The following GALNT13 variants were observed in gnomAD, a reference collection of about 807,000 sequenced individuals.
GALNT13 encodes the protein UDP-GalNAc:polypeptide N-acetylgalactosaminyltransferase 13.
A neutral mutation model predicts 64.2 loss-of-function variants in GALNT13; 28 were observed. The ratio of observed to expected loss-of-function variants is 0.44; its 90% confidence interval spans 0.32 to 0.60. The LOEUF (loss-of-function observed/expected upper bound fraction) is 0.60. GALNT13 is among the 20% of genes least tolerant of loss of function. GALNT13 has a pLI of 0.05. For synonymous variants in GALNT13, 214 were observed against 224.6 expected (o/e 0.95, Z 0.42); for missense variants, 577 against 669.8 (o/e 0.86, Z 1.53).
At chr2:153,373,777 C>G in the GALNT13 span, among the ~76,000 whole-genome samples, 1 of 152,116 alleles carries the variant, frequency 6.6e-6, no homozygotes, top group Non-Finnish European at 1.5e-5. Flanking sequence ...CATGATTCTA[C>G]TTTCTTTTTC....
the GALNT13 span, among the ~76,000 whole-genome samples, chr2:153,841,582 T>C: frequency 6.6e-6 from 1 of 152,104 alleles, no homozygotes; most frequent in African/African-American, 2.4e-5. Flanking sequence ...TAGCAAGTGG[T>C]CAAACCAGGA....
intron 8 of GALNT13, among the ~76,000 whole-genome samples, chr2:154,295,093 A>G (rs1692839056): frequency 6.6e-6 from 1 of 152,214 alleles, no homozygotes; most frequent in Admixed American, 6.5e-5. Flanking sequence ...AGCCCTGTGC[A>G]TCTAACTCAC....
chr2:154,337,385 T>C (rs1028522000), intron 9 of GALNT13, among the ~76,000 whole-genome samples: 1 of 152,108 alleles, frequency 6.6e-6, no homozygotes, highest in African/African-American at 2.4e-5. Flanking sequence ...TTTAGCTATA[T>C]TTCAAATATT....
intron 9 of GALNT13, among the ~76,000 whole-genome samples, chr2:154,382,257 G>A (rs1182256574): frequency 6.6e-6 from 1 of 152,002 alleles, no homozygotes; most frequent in Non-Finnish European, 1.5e-5. Context: ...AAAGAAGAGA[G>A]GCATGTTAGA....
chr2:154,149,140 A>C (rs1683812271), intron 4 of GALNT13, among the ~76,000 whole-genome samples: 1 of 152,138 alleles, frequency 6.6e-6, no homozygotes, highest in Non-Finnish European at 1.5e-5. Flanking sequence ...TCAGCTTTCT[A>C]CATATGGCTA....
At chr2:154,154,906 G>A (rs1342621661) in intron 4 of GALNT13, among the ~76,000 whole-genome samples, 2 of 150,646 alleles carry the variant, frequency 1.3e-5, no homozygotes, top group African/African-American at 4.9e-5. Flanking sequence ...GTGACTAGGA[G>A]ATTTGTGGTT....
the GALNT13 span, among the ~76,000 whole-genome samples, chr2:153,804,726 G>A: frequency 6.6e-6 from 1 of 152,038 alleles, no homozygotes; most frequent in Admixed American, 6.5e-5. Flanking sequence ...GTAAAAATGA[G>A]TGATACTTAA....
the GALNT13 span, among the ~76,000 whole-genome samples, chr2:153,694,894 C>A: frequency 6.6e-6 from 1 of 151,948 alleles, no homozygotes; most frequent in Non-Finnish European, 1.5e-5. Context: ...ATGGGAGCCC[C>A]CAAAACAACC....
chr2:154,072,644 G>A (rs1007303075), intron 3 of GALNT13, among the ~76,000 whole-genome samples: 1 of 152,048 alleles, frequency 6.6e-6, no homozygotes, highest in Non-Finnish European at 1.5e-5. Flanking sequence ...AAAACCCCTA[G>A]GACATTGCTG....
intron 4 of GALNT13, among the ~76,000 whole-genome samples, chr2:154,239,016 T>TAATTAAAATTAAA (rs1689340998): frequency 6.6e-6 from 1 of 152,100 alleles, no homozygotes; most frequent in Non-Finnish European, 1.5e-5. Context: ...GAGGAAGAAT[T>TAATTAAAATTAAA]AATTAAAATA....
At chr2:153,629,277 A>C in the GALNT13 span, among the ~76,000 whole-genome samples, 1 of 151,812 alleles carries the variant, frequency 6.6e-6, no homozygotes, top group East Asian at 1.9e-4. Context: ...CCAAAACAGC[A>C]TGATACTGGT....
chr2:153,668,593 A>G, the GALNT13 span, among the ~76,000 whole-genome samples: 1 of 152,098 alleles, frequency 6.6e-6, no homozygotes, highest in African/African-American at 2.4e-5. Context: ...GGAGGGAGGA[A>G]AGAGACACTA....
chr2:153,415,205 G>T, the GALNT13 span, among the ~76,000 whole-genome samples: 1 of 152,128 alleles, frequency 6.6e-6, no homozygotes. Flanking sequence ...ATATAGTCTT[G>T]TATGTTGACA....
At chr2:154,345,466 T>C (rs1289010497) in intron 9 of GALNT13, among the ~76,000 whole-genome samples, 3 of 152,052 alleles carry the variant, frequency 2.0e-5, no homozygotes, top group African/African-American at 7.2e-5. Flanking sequence ...TTCACTATAG[T>C]AGTCACTAGC....
the GALNT13 span, among the ~76,000 whole-genome samples, chr2:153,256,042 C>G: frequency 1.6e-4 from 24 of 152,190 alleles, no homozygotes; most frequent in East Asian, 1.9e-4. Flanking sequence ...AGTTCTCCTG[C>G]ATAATATCCT....
At chr2:153,204,338 T>C in the GALNT13 span, among the ~76,000 whole-genome samples, 1 of 152,206 alleles carries the variant, frequency 6.6e-6, no homozygotes, top group East Asian at 1.9e-4. Flanking sequence ...GTCTAGGAAA[T>C]TGGTCCTTTA....
intron 9 of GALNT13, among the ~76,000 whole-genome samples, chr2:154,306,614 T>G (rs866607088): frequency 0.022 from 785 of 36,208 alleles, 8 homozygotes; most frequent in African/African-American, 0.051. Context: ...TAAGGATAAT[T>G]TGGTGGGGGG....
chr2:153,562,060 C>CTG, the GALNT13 span, among the ~76,000 whole-genome samples: 816 of 118,936 alleles, frequency 6.9e-3, 9 homozygotes, highest in South Asian at 0.021. Context: ...CTCTCTCTCT[C>CTG]TGTGTGTGTG....
At chr2:154,305,667 C>T (rs1693693570) in intron 9 of GALNT13, among the ~76,000 whole-genome samples, 1 of 152,114 alleles carries the variant, frequency 6.6e-6, no homozygotes, top group Non-Finnish European at 1.5e-5. Context: ...CAATAACTTA[C>T]TTACTTTCAA....
Sources: allele counts gnomAD v4.1 joint callset (sites outside exome capture counted in the v4.1 genomes callset), GRCh38; gene constraint gnomAD v4.1.1; transcripts MANE v1.5; gene names NCBI Gene and HGNC (gene_info 2026-07-23, HGNC 2026-07-21).